PIK3C3: variants seen among roughly 807,000 people sequenced by gnomAD.
PIK3C3 encodes phosphatidylinositol 3-kinase catalytic subunit type 3.
A neutral mutation model predicts 126.1 loss-of-function variants in PIK3C3; 95 were observed. The ratio of observed to expected loss-of-function variants is 0.75; its 90% confidence interval spans 0.64 to 0.89. The LOEUF (loss-of-function observed/expected upper bound fraction) is 0.89, where lower values mean the gene tolerates loss of function less well. Ranked by LOEUF, PIK3C3 falls within the 40% of genes least tolerant of loss-of-function variation. PIK3C3 has a pLI of 0.00. For missense variants in PIK3C3, 829 were observed against 1,063.2 expected, an observed-to-expected ratio of 0.78 and a Z score of 3.06; for synonymous variants, 374 against 360.0, an observed-to-expected ratio of 1.04 and a Z score of -0.44.
At chr18:41,992,886 T>A (rs1017510061) in intron 6 of PIK3C3, among the ~76,000 whole-genome samples, 1 of 152,126 alleles carries the variant, frequency 6.6e-6, no homozygotes, top group South Asian at 2.1e-4. Context: ...ATGCAACACA[T>A]CCATTGTGCC....
At chr18:42,013,642 C>G (rs2144403625) in intron 11 of PIK3C3, 46 bp downstream of exon 11, 1 of 1,407,052 alleles carries the variant, frequency 7.1e-7, no homozygotes, top group Non-Finnish European at 9.8e-7. Flanking sequence ...GTTAATTTTT[C>G]CCTTTTCAAA....
In PIK3C3 at chr18:42,040,380, T is replaced by A. The variant is rs760427830; in HGVS notation, c.2039-297T>A. Among the ~76,000 whole-genome samples, 116 of 152,086 alleles carry A rather than the reference T, an allele frequency of 7.6e-4. 1 individual carries two copies. Among genetic ancestry groups the A allele is most frequent in the Admixed American group, 1.9e-3 (29 of 15,266 alleles). On this transcript the variant is annotated intron_variant, in intron 18 of 24. Coordinates refer to ENST00000262039, the MANE Select transcript of PIK3C3 (RefSeq NM_002647.4). Reference sequence around the variant, plus strand: ...TTGTAAATCTATAGAAAGAAGAAATTTTTGATGCTAGATTTAAGAAGCTTA... The same window carrying A: ...TTGTAAATCTATAGAAAGAAGAAATATTTGATGCTAGATTTAAGAAGCTTA...
At chr18:41,960,516 G>T (rs559208659) in intron 2 of PIK3C3, among the ~76,000 whole-genome samples, 1 of 152,266 alleles carries the variant, frequency 6.6e-6, no homozygotes, top group Admixed American at 6.5e-5. Context: ...GGGGATTGGA[G>T]CATCCAGATT....
Position 42,034,414 on chromosome 18 carries a change from A to AT in PIK3C3, c.1839+464dup, listed in dbSNP as rs544843839. Among the ~76,000 whole-genome samples the AT allele has an allele frequency of 2.9e-3, 437 of 152,198 alleles. 7 individuals carry two copies. Among genetic ancestry groups the AT allele is most frequent in the Admixed American group, 0.025 (375 of 15,280 alleles). On this transcript the variant is annotated intron_variant, in intron 16 of 24. Coordinates refer to ENST00000262039, the MANE Select transcript of PIK3C3 (RefSeq NM_002647.4). Reference sequence around the variant, plus strand: ...GCTGTAACTATTTTTCTTTATGTAAATTTTTTTAGAGGGCAGATTGCAAAC... The same window carrying AT: ...GCTGTAACTATTTTTCTTTATGTAAATTTTTTTTAGAGGGCAGATTGCAAAC...
At chr18:42,051,518 A>T (rs1322601201) in intron 21 of PIK3C3, among the ~76,000 whole-genome samples, 1 of 152,048 alleles carries the variant, frequency 6.6e-6, no homozygotes, top group African/African-American at 2.4e-5. Context: ...GGAATGTCAT[A>T]TATTCAGTTT....
intron 21 of PIK3C3, among the ~76,000 whole-genome samples, chr18:42,057,066 C>A (rs1433211291): frequency 3.1e-5 from 3 of 97,452 alleles, no homozygotes; most frequent in Non-Finnish European, 6.0e-5. Context: ...GAACCCCCCC[C>A]CCCGTGTTGA....
chr18:42,043,729 T>G lies in PIK3C3; in HGVS notation c.2104-4T>G, dbSNP rs1984431375. On this transcript the variant is annotated splice_region_variant and splice_polypyrimidine_tract_variant and intron_variant, in intron 19 of 24. Transcript: ENST00000262039. ...TCTAAAACATGTAAATAATGTCTTT[T>G]CAGAACTTTTTTAGAAAATATGCAC... 2 of 1,599,178 alleles carry G rather than the reference T, an allele frequency of 1.3e-6. No homozygotes were observed. The highest frequency in any genetic ancestry group is 1.7e-6 in the Non-Finnish European group (2 of 1,166,810).
intron 4 of PIK3C3, among the ~76,000 whole-genome samples, chr18:41,978,230 C>T (rs572599414): frequency 6.6e-6 from 1 of 152,304 alleles, no homozygotes; most frequent in South Asian, 2.1e-4. Context: ...GCTGGGATTA[C>T]AGGCATAAGC....
At chr18:42,008,465 A>G (rs965605900) in intron 10 of PIK3C3, among the ~76,000 whole-genome samples, 1 of 152,150 alleles carries the variant, frequency 6.6e-6, no homozygotes, top group Admixed American at 6.5e-5. Flanking sequence ...CAAAATCGGA[A>G]CCCATGTCTC....
rs1568013634 is a variant in PIK3C3 at position 42,076,131 on chromosome 18, T to TGC, written c.2650-4992_2650-4991insGC. Among the ~76,000 whole-genome samples, 14 of 83,438 alleles carry TGC rather than the reference T, an allele frequency of 1.7e-4. 1 individual carries two copies. Among genetic ancestry groups the TGC allele is most frequent in the South Asian group, 9.5e-4 (3 of 3,150 alleles). 54.7% of individuals were successfully genotyped at this position (83,438 alleles called of 152,430 possible). On this transcript the variant is annotated intron_variant, in intron 24 of 24. Transcript: ENST00000262039. ...ATATATATATATATATGCGCATATA[T>TGC]ATATATATATATGCGCATATATATA...
intron 24 of PIK3C3, among the ~76,000 whole-genome samples, chr18:42,076,119 TATGCGCATATATATATATATATATGCGC>T (rs1985984390): frequency 1.5e-5 from 1 of 64,858 alleles, no homozygotes; most frequent in African/African-American, 8.0e-5. Flanking sequence ...TATATATATA[TATGCGCATATATATATATATATATGCGC>T]ATATATATAT....
chr18:42,055,724 A>AGG (rs1373454572), intron 21 of PIK3C3, among the ~76,000 whole-genome samples: 1 of 152,114 alleles, frequency 6.6e-6, no homozygotes, highest in East Asian at 1.9e-4. Context: ...AAGTAGAAGG[A>AGG]GGAGAGTAAG....
rs1555643425 is a variant in PIK3C3 at position 42,076,151 on chromosome 18, T to TATATATATGCGC, written c.2650-4964_2650-4963insGCGCATATATAT. Among the ~76,000 whole-genome samples the TATATATATGCGC allele has an allele frequency of 1.2e-3, 122 of 103,740 alleles. 5 individuals carry two copies. Among genetic ancestry groups the TATATATATGCGC allele is most frequent in the African/African-American group, 6.2e-3 (111 of 18,004 alleles). 68.1% of individuals were successfully genotyped at this position (103,740 alleles called of 152,430 possible). A position where few individuals can be genotyped will look rare whatever the true frequency, so the allele number is the denominator to read the frequency against. ...ATATATATATATATATATGCGCATA[T>TATATATATGCGC]ATATATATATGCACATATATATATA... On this transcript the variant is annotated intron_variant, in intron 24 of 24. Transcript: ENST00000262039.
intron 4 of PIK3C3, chr18:41,971,501 A>G (rs2144314322): frequency 6.6e-6 from 1 of 152,204 alleles, no homozygotes; most frequent in Non-Finnish European, 1.5e-5. Flanking sequence ...TGCTTCTCCC[A>G]TCCATAATTA....
chr18:42,032,617 CT>C (rs1478383662), intron 15 of PIK3C3, among the ~76,000 whole-genome samples: 3 of 140,576 alleles, frequency 2.1e-5, no homozygotes, highest in Admixed American at 1.4e-4. Context: ...ATTTTACTTT[CT>C]GGTTATTTTA....
chr18:42,072,665 A>AGG (rs1403196750), intron 24 of PIK3C3, among the ~76,000 whole-genome samples: 1 of 151,958 alleles, frequency 6.6e-6, no homozygotes, highest in Non-Finnish European at 1.5e-5. Context: ...CCTGGTAGCT[A>AGG]GGAGTACAGG....
intron 20 of PIK3C3, among the ~76,000 whole-genome samples, chr18:42,048,368 T>C (rs1344173117): frequency 5.9e-5 from 9 of 152,224 alleles, no homozygotes. Context: ...CCTAAAGGGC[T>C]AACCTCCTAG....
intron 24 of PIK3C3, among the ~76,000 whole-genome samples, chr18:42,074,163 C>A (rs1985886990): frequency 6.6e-6 from 1 of 152,044 alleles, no homozygotes; most frequent in Non-Finnish European, 1.5e-5. Flanking sequence ...ATACTTACAA[C>A]CCTAGTCTGT....
At chr18:42,042,418 C>G (rs1214471397) in intron 19 of PIK3C3, among the ~76,000 whole-genome samples, 1 of 152,110 alleles carries the variant, frequency 6.6e-6, no homozygotes, top group Non-Finnish European at 1.5e-5. Context: ...GTCTGTAAGA[C>G]CTTCTAGCAA....
Sources: gnomAD v4.1 joint callset for allele counts (sites outside exome capture counted in the v4.1 genomes callset) on GRCh38, gnomAD v4.1.1 for gene constraint, MANE v1.5 for transcripts, NCBI Gene and HGNC (gene_info 2026-07-23, HGNC 2026-07-21) for gene names.